Variants in PLB1 observed in about 807,000 individuals in gnomAD.
PLB1 encodes phospholipase B1, also known as phospholipase B1, membrane-associated.
Under a neutral mutation model 227.4 loss-of-function variants are expected in PLB1, and 242 were observed. The ratio of observed to expected loss-of-function variants is 1.06; its 90% CI spans 0.96 to 1.18. The LOEUF (loss-of-function observed/expected upper bound fraction) is 1.18, where lower values mean the gene tolerates loss of function less well. Among genes scored for constraint, PLB1 ranks in the 50% most tolerant of loss-of-function variants. The probability of loss-of-function intolerance (pLI) is 0.00; values close to 1 mark genes in which losing one functional copy is unlikely to be tolerated. For missense variants in PLB1, 1,858 were observed against 1,816.3 expected (o/e 1.02, Z -0.42); for synonymous variants, 757 against 682.2 (o/e 1.11, Z -1.71).
intron 35 of PLB1, among the ~76,000 whole-genome samples, chr2:28,599,984 T>C (rs1243122792): frequency 1.3e-5 from 2 of 152,120 alleles, no homozygotes; most frequent in Non-Finnish European, 2.9e-5. Context: ...CTCAGTTCAC[T>C]GCAACCTTCA....
intron 45 of PLB1, among the ~76,000 whole-genome samples, chr2:28,618,078 C>T (rs1686447683): frequency 6.6e-6 from 1 of 152,198 alleles, no homozygotes; most frequent in Admixed American, 6.5e-5. Flanking sequence ...GCCTGTGCTA[C>T]ATGACCCTGC....
At chr2:28,536,427 AAG>A (rs2148200768) in intron 9 of PLB1, among the ~76,000 whole-genome samples, 1 of 127,840 alleles carries the variant, frequency 7.8e-6, no homozygotes, top group East Asian at 3.0e-4. Flanking sequence ...AAATGAAAAA[AAG>A]AGCTGATTAC....
chr2:28,618,572 C>T (rs990222833), intron 46 of PLB1, 173 bp downstream of exon 46: 2 of 651,224 alleles, frequency 3.1e-6, no homozygotes, highest in South Asian at 1.8e-5. Flanking sequence ...CCCTGTCTCG[C>T]CACCTTCCCA....
chr2:28,501,105 TGTA>T (rs1476204808), intron 1 of PLB1, among the ~76,000 whole-genome samples: 1 of 152,218 alleles, frequency 6.6e-6, no homozygotes, highest in Non-Finnish European at 1.5e-5. Context: ...AACTAAGAAA[TGTA>T]GTTTTCTTTT....
intron 1 of PLB1, among the ~76,000 whole-genome samples, chr2:28,513,003 G>C (rs1668453870): frequency 2.0e-5 from 3 of 152,074 alleles, no homozygotes. Flanking sequence ...ATTTCTGATT[G>C]GACCACCTCT....
intron 14 of PLB1, among the ~76,000 whole-genome samples, chr2:28,544,766 G>C (rs963725405): frequency 2.6e-5 from 4 of 152,170 alleles, no homozygotes; most frequent in African/African-American, 9.7e-5. Flanking sequence ...CCCAGGCAAA[G>C]GGACCTTTGT....
chr2:28,641,378 C>G (rs1005374992), intron 57 of PLB1, among the ~76,000 whole-genome samples: 3 of 152,276 alleles, frequency 2.0e-5, no homozygotes, highest in African/African-American at 7.2e-5. Flanking sequence ...GAGGCCGAGG[C>G]GGTCAGATCA....
At chr2:28,602,984 C>A in intron 39 of PLB1, 63 bp downstream of exon 39, 1 of 1,389,756 alleles carries the variant, frequency 7.2e-7, no homozygotes, top group Non-Finnish European at 1.0e-6. Context: ...GGCCCACATG[C>A]AGTGGTGATG....
In PLB1 at chr2:28,525,914, G is replaced by T. The variant is rs1317693690; in HGVS notation, c.294G>T (p.Arg98Ser). ...CTGCTTCTACCTGCAGGACTGAAAGGCCACAGCAGGTGTGCATGGGAGTGA... is the reference window on the plus strand; with the variant it reads ...CTGCTTCTACCTGCAGGACTGAAAGTCCACAGCAGGTGTGCATGGGAGTGA... Reference protein sequence around the residue: ...GDLEKQDWTERPQQVCMGVMT... With the variant: ...GDLEKQDWTESPQQVCMGVMT... Residue 98 changes from arginine to serine, a missense_variant, in exon 6 of 58, where the codon AGG (arginine) becomes AGT (serine). Transcript: ENST00000327757. 6.2e-7 allele frequency: 1 copy of T among 1,614,084 alleles called. No individual in the cohort carries two copies. The highest frequency in any genetic ancestry group is 8.5e-7 in the Non-Finnish European group (1 of 1,179,996).
Position 28,603,983 on chromosome 2 carries a change from T to G in PLB1, c.2792T>G (p.Val931Gly). ...TTGTGCAGCGTTTTGTGTAACTGCG[T>G]TCTGACCCTGCGGGAGAACTCCCAA... ...VQQASVLCNCVLTLRENSQEL... is the reference protein window; with the variant it reads ...VQQASVLCNCGLTLRENSQEL... The change falls in exon 40 of 58, where the codon GTT (valine) becomes GGT (glycine). Residue 931 changes from valine (V) to glycine (G), a missense_variant. By Grantham distance (109) the Val-to-Gly change is moderately radical. Transcript: ENST00000327757. 6.2e-7 allele frequency: 1 copy of G among 1,614,240 alleles called. No individual in the cohort carries two copies. Among genetic ancestry groups the G allele is most frequent in the African/African-American group, 1.3e-5 (1 of 75,064 alleles).
chr2:28,556,970 C>T (rs574487478), intron 17 of PLB1, among the ~76,000 whole-genome samples: 3 of 152,144 alleles, frequency 2.0e-5, no homozygotes, highest in Non-Finnish European at 4.4e-5. Context: ...TCATTCACCA[C>T]GGGCATCATC....
intron 2 of PLB1, 46 bp from the exon 3 acceptor site, chr2:28,518,420 T>G: frequency 7.0e-7 from 1 of 1,434,878 alleles, no homozygotes; most frequent in East Asian, 2.3e-5. Flanking sequence ...CTGCAATATT[T>G]CTATACAAGG....
At chr2:28,629,924 G>T (rs1236782286) in intron 53 of PLB1, among the ~76,000 whole-genome samples, 1 of 152,150 alleles carries the variant, frequency 6.6e-6, no homozygotes, top group African/African-American at 2.4e-5. Flanking sequence ...CCAGGGAGCT[G>T]AGGAGTCCTA....
rs545120142 is a variant in PLB1 at position 28,563,790 on chromosome 2, C to CTAT, written c.1206+693_1206+695dup. On this transcript the variant is annotated intron_variant, in intron 18 of 57. Coordinates refer to ENST00000327757, the MANE Select transcript of PLB1 (RefSeq NM_153021.5). ...ACAGCCTCTCATCAGAGTCCAGCTG[C>CTAT]TATTCTCTGGGCCAGTAGAATACAG... Among the ~76,000 whole-genome samples the CTAT allele has an allele frequency of 3.4e-3, 522 of 152,276 alleles. 2 individuals are homozygous for CTAT. The highest frequency in any genetic ancestry group is 0.012 in the African/African-American group (495 of 41,544).
intron 56 of PLB1, among the ~76,000 whole-genome samples, chr2:28,637,296 A>AT (rs34664240): frequency 4.2e-5 from 4 of 95,490 alleles, no homozygotes; most frequent in Non-Finnish European, 8.6e-5. Context: ...TCTGTCTCAA[A>AT]TTTAAAAAAA....
At chr2:28,592,978 T>C (rs1682241536) in intron 32 of PLB1, among the ~76,000 whole-genome samples, 1 of 152,222 alleles carries the variant, frequency 6.6e-6, no homozygotes, top group Non-Finnish European at 1.5e-5. Context: ...TTTTTTAATA[T>C]ATGTAAAAAT....
chr2:28,603,195 AGGATAG>A (rs1684171974), intron 39 of PLB1, among the ~76,000 whole-genome samples: 1 of 152,336 alleles, frequency 6.6e-6, no homozygotes, highest in East Asian at 1.9e-4. Flanking sequence ...TTTGAGAGAC[AGGATAG>A]CCTAGACTGT....
At chr2:28,633,302 A>T (rs1186620381) in intron 56 of PLB1, 2 of 450,186 alleles carry the variant, frequency 4.4e-6, no homozygotes, top group Non-Finnish European at 8.0e-6. Context: ...CTGCGAGGGG[A>T]TCCCTTTGTA....
At chr2:28,633,453 T>C (rs1228799744) in intron 56 of PLB1, 1 of 183,274 alleles carries the variant, frequency 5.5e-6, no homozygotes, top group Non-Finnish European at 1.2e-5. Flanking sequence ...ATTGAGATCA[T>C]GTGTACATGG....
Sources: allele counts gnomAD v4.1 joint callset (sites outside exome capture counted in the v4.1 genomes callset), GRCh38; gene constraint gnomAD v4.1.1; transcripts MANE v1.5; gene names NCBI Gene and HGNC (gene_info 2026-07-23, HGNC 2026-07-21).